SDK1: variants seen among roughly 807,000 people sequenced by gnomAD.
SDK1 encodes sidekick cell adhesion molecule 1, also known as protein sidekick-1.
SDK1 carries 157 observed loss-of-function variants against 245.5 expected under a neutral mutation model. The observed-to-expected ratio is 0.64, with a 90% CI of 0.56 to 0.73. The LOEUF (loss-of-function observed/expected upper bound fraction) is 0.73, where lower values mean the gene tolerates loss of function less well. Among genes scored for constraint, SDK1 ranks in the 30% least tolerant of loss-of-function variants. SDK1 has a pLI of 0.00. For synonymous variants in SDK1, 1,647 were observed against 1,278.5 expected (o/e 1.29, Z -6.15); for missense variants, 3,583 against 3,002.3 (o/e 1.19, Z -4.52).
chr7:3,595,482 CA>C (rs1164681918), intron 1 of SDK1, among the ~76,000 whole-genome samples: 5 of 152,004 alleles, frequency 3.3e-5, no homozygotes, highest in African/African-American at 1.2e-4. Context: ...ATTTTTGAAA[CA>C]GAAACATAAA....
intron 4 of SDK1, among the ~76,000 whole-genome samples, chr7:3,722,932 T>C (rs1342259612): frequency 6.6e-6 from 1 of 152,234 alleles, no homozygotes; most frequent in Non-Finnish European, 1.5e-5. Flanking sequence ...CCTTGGTGTT[T>C]GTAAACTCCT....
intron 28 of SDK1, among the ~76,000 whole-genome samples, chr7:4,142,963 G>C (rs1316459469): frequency 6.6e-6 from 1 of 152,160 alleles, no homozygotes; most frequent in Non-Finnish European, 1.5e-5. Context: ...TCAGAATTAG[G>C]GTCATTCTCC....
chr7:3,441,950 A>G (rs1012549493), intron 1 of SDK1, among the ~76,000 whole-genome samples: 5 of 152,142 alleles, frequency 3.3e-5, no homozygotes, highest in African/African-American at 1.2e-4. Context: ...CAAAATCCCC[A>G]CTTAATATGA....
chr7:3,373,280 C>T (rs1331328775), intron 1 of SDK1, among the ~76,000 whole-genome samples: 1 of 152,146 alleles, frequency 6.6e-6, no homozygotes, highest in East Asian at 1.9e-4. Context: ...TGTTGAAAGT[C>T]TCATATAATT....
Position 4,011,093 on chromosome 7 carries a change from G to A in SDK1, c.2259G>A (p.Gln753=). Reference sequence around the variant, plus strand: ...CGGTGAATGAAGTGGGCAGGGGCCAGTACAGCGCCGAGACAAGCAGGTGCG... The same window carrying A: ...CGGTGAATGAAGTGGGCAGGGGCCAATACAGCGCCGAGACAAGCAGGTGCG... ...VCAVNEVGRG[Q]YSAETSRLML... Residue 753 remains glutamine (Q), a synonymous_variant, in exon 15 of 45, where the codon CAG becomes CAA. Transcript: ENST00000404826. The A allele has an allele frequency of 6.2e-7, 1 of 1,613,994 alleles. No homozygotes were observed. The highest frequency in any genetic ancestry group is 8.5e-7 in the Non-Finnish European group (1 of 1,180,032).
At position 3,960,101 on chromosome 7, in the gene SDK1, A is replaced by G. The variant is rs562586363; in HGVS notation, c.1234+1087A>G. ...AAGAGCTCGGAGGGTAAGAATGACTACCAGTTTTGCAAATCTTCAAAACAG... is the reference window on the plus strand; with the variant it reads ...AAGAGCTCGGAGGGTAAGAATGACTGCCAGTTTTGCAAATCTTCAAAACAG... On this transcript the variant is annotated intron_variant, in intron 8 of 44. Coordinates refer to ENST00000404826, the MANE Select transcript of SDK1 (RefSeq NM_152744.4). Among the ~76,000 whole-genome samples, 255 of 152,356 alleles carry G rather than the reference A, an allele frequency of 1.7e-3. 1 individual carries two copies. Among genetic ancestry groups the G allele is most frequent in the African/African-American group, 6.0e-3 (249 of 41,590 alleles).
intron 1 of SDK1, among the ~76,000 whole-genome samples, chr7:3,595,539 A>G (rs894438680): frequency 2.6e-5 from 4 of 152,172 alleles, no homozygotes; most frequent in African/African-American, 7.2e-5. Context: ...CACTACTGAT[A>G]ATATTTAATT....
rs181965471 is a variant in SDK1, at chr7:3,326,983, A to G, written c.298+25099A>G. Among the ~76,000 whole-genome samples, 185 of 152,322 alleles carry G rather than the reference A, an allele frequency of 1.2e-3. 1 individual carries two copies. Among genetic ancestry groups the G allele is most frequent in the Non-Finnish European group, 2.1e-3 (143 of 68,020 alleles). Reference sequence around the variant, plus strand: ...ATTTTCTTCCTGTGGGTTTACACCAATTGCAAAAGTGTAATTTAGCTCTTA... The same window carrying G: ...ATTTTCTTCCTGTGGGTTTACACCAGTTGCAAAAGTGTAATTTAGCTCTTA... On this transcript the variant is annotated intron_variant, in intron 1 of 44. Coordinates refer to ENST00000404826, the MANE Select transcript of SDK1 (RefSeq NM_152744.4).
Position 4,256,882 on chromosome 7 carries a change from C to A in SDK1, c.6382-8242C>A, listed in dbSNP as rs560873441. Among the ~76,000 whole-genome samples, 15 of 152,324 alleles carry A rather than the reference C, an allele frequency of 9.8e-5. No homozygotes were observed. In the South Asian group the frequency reaches 2.9e-3, roughly 29 times the overall value. ...TTTTATCCCCCAGGACATTTTTAAA[C>A]CACTCTCAGAACTATTGCTAAAGTG... On this transcript the variant is annotated intron_variant, in intron 44 of 44. Coordinates refer to ENST00000404826, the MANE Select transcript of SDK1 (RefSeq NM_152744.4).
At chr7:3,759,887 C>T (rs531337984) in intron 4 of SDK1, among the ~76,000 whole-genome samples, 2 of 152,242 alleles carry the variant, frequency 1.3e-5, no homozygotes, top group South Asian at 2.1e-4. Flanking sequence ...GCCACTGTGC[C>T]CAGGCTTTTC....
intron 1 of SDK1, among the ~76,000 whole-genome samples, chr7:3,364,623 T>C (rs1180171094): frequency 6.6e-6 from 1 of 152,216 alleles, no homozygotes; most frequent in Non-Finnish European, 1.5e-5. Context: ...TTCTACTCTA[T>C]TTCATTGATC....
At chr7:4,037,265 C>A (rs1788288462) in intron 17 of SDK1, among the ~76,000 whole-genome samples, 1 of 152,190 alleles carries the variant, frequency 6.6e-6, no homozygotes, top group African/African-American at 2.4e-5. Flanking sequence ...CGACTGCACA[C>A]TGGGAGAACT....
In SDK1 at chr7:4,268,638, G is replaced by A. The variant is rs748150150; in HGVS notation, c.*3254G>A. On this transcript the variant is annotated 3_prime_UTR_variant, in exon 45 of 45. Transcript: ENST00000404826. ...AAGCATGATGTTTGCCTAATGGTTCGTAGCATGGTTTTTATTTCTTACGCA... is the reference window on the plus strand; with the variant it reads ...AAGCATGATGTTTGCCTAATGGTTCATAGCATGGTTTTTATTTCTTACGCA... The A allele has an allele frequency of 3.4e-5, 46 of 1,367,570 alleles. No homozygotes were observed. The highest frequency in any genetic ancestry group is 6.8e-5 in the South Asian group (6 of 88,040). 84.7% of individuals were successfully genotyped at this position (1,367,570 alleles called of 1,614,324 possible).
At chr7:3,596,828 A>G (rs565095882) in intron 1 of SDK1, among the ~76,000 whole-genome samples, 12 of 152,328 alleles carry the variant, frequency 7.9e-5, no homozygotes, top group African/African-American at 2.6e-4. Flanking sequence ...ATCATCAGAT[A>G]ACACTTATGA....
chr7:3,779,083 T>C (rs762879576), intron 4 of SDK1, among the ~76,000 whole-genome samples: 1 of 152,344 alleles, frequency 6.6e-6, no homozygotes, highest in South Asian at 2.1e-4. Context: ...TCCTTTTTTA[T>C]CATTTGGCTA....
At chr7:3,688,869 A>G (rs182955276) in intron 4 of SDK1, among the ~76,000 whole-genome samples, 65 of 152,060 alleles carry the variant, frequency 4.3e-4, no homozygotes, top group Middle Eastern at 3.4e-3. Flanking sequence ...CCTTCCTTAG[A>G]GTTTGCCATT....
At chr7:3,652,523 G>A (rs1430745188) in intron 4 of SDK1, among the ~76,000 whole-genome samples, 2 of 152,224 alleles carry the variant, frequency 1.3e-5, no homozygotes, top group African/African-American at 4.8e-5. Context: ...CGTGCTTGTG[G>A]AAAATTGAGA....
At chr7:3,737,927 C>G (rs931431864) in intron 4 of SDK1, among the ~76,000 whole-genome samples, 2 of 152,200 alleles carry the variant, frequency 1.3e-5, no homozygotes, top group Non-Finnish European at 2.9e-5. Flanking sequence ...TCTAATGAAA[C>G]TTTTCTTGGT....
At chr7:3,563,877 A>AT (rs1779824815) in intron 1 of SDK1, among the ~76,000 whole-genome samples, 1 of 152,162 alleles carries the variant, frequency 6.6e-6, no homozygotes, top group Non-Finnish European at 1.5e-5. Flanking sequence ...AAAATAAGAA[A>AT]TTACTAATAA....
Sources: gnomAD v4.1 joint callset for allele counts (sites outside exome capture counted in the v4.1 genomes callset) on GRCh38, gnomAD v4.1.1 for gene constraint, MANE v1.5 for transcripts, NCBI Gene and HGNC (gene_info 2026-07-23, HGNC 2026-07-21) for gene names.